Variants in FOXP2 observed in about 807,000 individuals in gnomAD.
FOXP2 encodes the protein forkhead box P2, also known as forkhead box protein P2.
A neutral mutation model predicts 115.8 loss-of-function variants in FOXP2; 12 were observed. The observed-to-expected ratio is 0.10, with a 90% CI of 0.07 to 0.17. FOXP2 has a LOEUF of 0.17. FOXP2 is among the 10% of genes least tolerant of loss of function. The pLI is 1.00. For synonymous variants in FOXP2, 328 were observed against 297.7 expected, an observed-to-expected ratio of 1.10 and a Z score of -1.05; for missense variants, 629 against 843.5, an observed-to-expected ratio of 0.75 and a Z score of 3.15.
chr7:114,604,520 T>C (rs1239897592), intron 3 of FOXP2, among the ~76,000 whole-genome samples: 3 of 152,242 alleles, frequency 2.0e-5, no homozygotes, highest in Non-Finnish European at 4.4e-5. Flanking sequence ...ACAGTTTTTC[T>C]AATAGAAACT....
chr7:114,098,594 A>G (rs935673654), intron 1 of FOXP2, among the ~76,000 whole-genome samples: 17 of 152,206 alleles, frequency 1.1e-4, no homozygotes, highest in Non-Finnish European at 2.5e-4. Context: ...AAAGACCTAC[A>G]TGTAGGACTA....
intron 1 of FOXP2, among the ~76,000 whole-genome samples, chr7:114,151,452 T>A (rs1022382286): frequency 1.3e-5 from 2 of 152,218 alleles, no homozygotes; most frequent in East Asian, 3.9e-4. Context: ...TAGGTCAGCT[T>A]GAAAATTGGA....
chr7:114,375,918 T>C (rs1792126565), intron 2 of FOXP2, among the ~76,000 whole-genome samples: 2 of 70,118 alleles, frequency 2.9e-5, no homozygotes, highest in Non-Finnish European at 8.1e-5. Context: ...CTCTTGATGA[T>C]AGGAATAACA....
chr7:114,291,222 CT>C (rs1277506369), intron 2 of FOXP2, among the ~76,000 whole-genome samples: 2 of 152,126 alleles, frequency 1.3e-5, no homozygotes, highest in African/African-American at 2.4e-5. Context: ...CTGCCATCTT[CT>C]TTCTCGTGTC....
intron 1 of FOXP2, among the ~76,000 whole-genome samples, chr7:114,255,463 C>T (rs952217411): frequency 1.3e-5 from 2 of 152,204 alleles, no homozygotes; most frequent in Non-Finnish European, 1.5e-5. Flanking sequence ...TGGGCTGCTT[C>T]GTTTACCTAC....
At chr7:114,312,446 C>G (rs758305699) in intron 2 of FOXP2, among the ~76,000 whole-genome samples, 2 of 152,082 alleles carry the variant, frequency 1.3e-5, no homozygotes, top group East Asian at 1.9e-4. Flanking sequence ...CTTATGGAAC[C>G]CTGAGAGCCA....
At chr7:114,200,464 G>C in intron 1 of FOXP2, among the ~76,000 whole-genome samples, 1 of 152,166 alleles carries the variant, frequency 6.6e-6, no homozygotes, top group Non-Finnish European at 1.5e-5. Context: ...TAGGGAGACA[G>C]GAAACACTGA....
chr7:114,664,220 A>G, intron 15 of FOXP2, 53 bp from the exon 16 acceptor site: 1 of 1,583,344 alleles, frequency 6.3e-7, no homozygotes, highest in Non-Finnish European at 8.6e-7. Flanking sequence ...TGTTTTAAAA[A>G]TTATTTTAAA....
intron 2 of FOXP2, among the ~76,000 whole-genome samples, chr7:114,443,451 G>C (rs567609219): frequency 2.0e-5 from 3 of 151,852 alleles, no homozygotes; most frequent in African/African-American, 7.3e-5. Flanking sequence ...TAGGTTCAGG[G>C]GTACATGTGC....
At chr7:114,406,963 G>T (rs998935341) in intron 2 of FOXP2, among the ~76,000 whole-genome samples, 1 of 151,996 alleles carries the variant, frequency 6.6e-6, no homozygotes, top group Non-Finnish European at 1.5e-5. Context: ...GTTTATGTCT[G>T]CTTGTTTTAG....
intron 1 of FOXP2, among the ~76,000 whole-genome samples, chr7:114,165,915 T>C (rs1377353151): frequency 6.6e-6 from 1 of 152,170 alleles, no homozygotes; most frequent in Admixed American, 6.6e-5. Flanking sequence ...TGAAAGAACA[T>C]AGATCATTGA....
intron 1 of FOXP2, among the ~76,000 whole-genome samples, chr7:114,287,256 GA>G (rs970550773): frequency 1.3e-4 from 19 of 146,000 alleles, no homozygotes; most frequent in East Asian, 1.0e-3. Flanking sequence ...AACTAAAAAA[GA>G]AAAAAAAAAC....
At chr7:114,460,328 T>G (rs1795509409) in intron 2 of FOXP2, among the ~76,000 whole-genome samples, 1 of 152,180 alleles carries the variant, frequency 6.6e-6, no homozygotes, top group South Asian at 2.1e-4. Context: ...AGTTAAAAAC[T>G]TGCTGTTTTC....
intron 2 of FOXP2, among the ~76,000 whole-genome samples, chr7:114,481,554 G>A (rs1220894676): frequency 6.6e-6 from 1 of 151,276 alleles, no homozygotes; most frequent in Non-Finnish European, 1.5e-5. Context: ...CAACCAATGT[G>A]TTCCTAAATA....
intron 3 of FOXP2, among the ~76,000 whole-genome samples, chr7:114,596,383 A>G (rs996453245): frequency 2.0e-5 from 3 of 152,076 alleles, no homozygotes; most frequent in Non-Finnish European, 2.9e-5. Context: ...GGGTGCCCAA[A>G]TCAGCACCAT....
chr7:114,329,166 G>A (rs1033924942), intron 2 of FOXP2, among the ~76,000 whole-genome samples: 4 of 152,048 alleles, frequency 2.6e-5, no homozygotes, highest in Admixed American at 6.6e-5. Flanking sequence ...ATAATTTGTA[G>A]CACTTAATTC....
chr7:114,481,745 A>G (rs1325539163), intron 2 of FOXP2, among the ~76,000 whole-genome samples: 1 of 150,162 alleles, frequency 6.7e-6, no homozygotes, highest in Non-Finnish European at 1.5e-5. Context: ...TTCGTTGCAG[A>G]TGATCTCATA....
intron 1 of FOXP2, among the ~76,000 whole-genome samples, chr7:114,143,205 A>G (rs1584504437): frequency 6.6e-6 from 1 of 151,146 alleles, no homozygotes; most frequent in South Asian, 2.1e-4. Context: ...TCCAACTTGT[A>G]TGGAGAAATC....
intron 2 of FOXP2, chr7:114,499,165 A>G: frequency 2.1e-6 from 1 of 471,056 alleles, no homozygotes. Flanking sequence ...CTTATGAGGA[A>G]TCATGAGATC....
Sources: gnomAD v4.1 joint callset for allele counts (sites outside exome capture counted in the v4.1 genomes callset) on GRCh38, gnomAD v4.1.1 for gene constraint, MANE v1.5 for transcripts, NCBI Gene and HGNC (gene_info 2026-07-23, HGNC 2026-07-21) for gene names.